The following LRRC17 variants were observed in gnomAD, a reference collection of about 807,000 sequenced individuals.
The protein encoded by LRRC17 is leucine rich repeat containing 17.
LRRC17 carries 33 observed loss-of-function variants against 41.5 expected under a neutral mutation model. The ratio of observed to expected loss-of-function variants is 0.80; its 90% CI spans 0.60 to 1.06. The LOEUF (loss-of-function observed/expected upper bound fraction) is 1.06. Among genes scored for constraint, LRRC17 ranks in the 50% least tolerant of loss-of-function variants. The probability of loss-of-function intolerance (pLI) is 0.00; values close to 1 mark genes in which losing one functional copy is unlikely to be tolerated. For synonymous variants in LRRC17, 192 were observed against 197.0 expected, an observed-to-expected ratio of 0.97 and a Z score of 0.21; for missense variants, 491 against 519.3, an observed-to-expected ratio of 0.95 and a Z score of 0.53.
At chr7:102,925,272 G>A (rs1276883679) in intron 1 of LRRC17, among the ~76,000 whole-genome samples, 1 of 152,072 alleles carries the variant, frequency 6.6e-6, no homozygotes, top group Non-Finnish European at 1.5e-5. Flanking sequence ...GCATGCTCCT[G>A]TAGTCCCAGC....
chr7:102,944,481 C>A lies in LRRC17; in HGVS notation c.1200C>A (p.Cys400Ter), dbSNP rs1364971213. 6.8e-6 allele frequency: 11 copies of A among 1,613,804 alleles called. No individual in the cohort carries two copies. The highest frequency in any genetic ancestry group is 1.3e-5 in the African/African-American group (1 of 74,848). The change falls in exon 4 of 4, where the codon TGC becomes TGA. Residue 400 changes from cysteine (C) to a stop codon, truncating the protein, a stop_gained. Coordinates refer to ENST00000339431, the MANE Select transcript of LRRC17 (RefSeq NM_001031692.3). LOFTEE classifies it high-confidence loss of function. ...ATATTAGAAGTTACTATGAAGAATG[C>A]CCCAAAGACAAGTTACCAGCATATC... is the stretch of plus-strand genomic sequence containing the variant. ...GKYIRSYYEE[C>*]PKDKLPAYPE...
At position 102,944,735 on chromosome 7, in the gene LRRC17, A is replaced by C. The variant is rs1339933254; in HGVS notation, c.*128A>C. On this transcript the variant is annotated 3_prime_UTR_variant, in exon 4 of 4. Coordinates refer to ENST00000339431, the MANE Select transcript of LRRC17 (RefSeq NM_001031692.3). ...AATCCAGCTAAAGGAAGCTTTCTTT[A>C]ATTATAAGTATTATTGTGACTATTA... is the stretch of plus-strand genomic sequence containing the variant. 3.8e-6 allele frequency: 3 copies of C among 794,034 alleles called. No individual in the cohort carries two copies. The Admixed American group carries it at 9.0e-5, about 24-fold the overall frequency. 49.2% of individuals were successfully genotyped at this position (794,034 alleles called of 1,614,324 possible).
intron 1 of LRRC17, among the ~76,000 whole-genome samples, chr7:102,920,758 A>G (rs1816811150): frequency 6.6e-6 from 1 of 152,198 alleles, no homozygotes; most frequent in Non-Finnish European, 1.5e-5. Flanking sequence ...TAAAAGATAA[A>G]CCTAAAATCC....
At chr7:102,926,448 A>G (rs1563102250) in intron 1 of LRRC17, 1 of 1,156,912 alleles carries the variant, frequency 8.6e-7, no homozygotes, top group South Asian at 1.4e-5. Context: ...TCTTTCTATT[A>G]TCCCTCTTCC....
At chr7:102,931,734 T>C in intron 1 of LRRC17, 1 of 645,484 alleles carries the variant, frequency 1.5e-6, no homozygotes, top group Non-Finnish European at 2.6e-6. Flanking sequence ...GCAGATGGAG[T>C]AAAATTTCTT....
chr7:102,926,616 T>C (rs1818191827), intron 1 of LRRC17, among the ~76,000 whole-genome samples: 1 of 152,200 alleles, frequency 6.6e-6, no homozygotes, highest in Admixed American at 6.5e-5. Context: ...TCCATCACAA[T>C]GACACTTCAT....
At chr7:102,942,189 C>T in intron 3 of LRRC17, 1 of 819,540 alleles carries the variant, frequency 1.2e-6, no homozygotes, top group Non-Finnish European at 2.0e-6. Flanking sequence ...ATGCCAAGCA[C>T]TTTCCTAGAA....
chr7:102,921,980 C>G (rs1817123972), intron 1 of LRRC17, among the ~76,000 whole-genome samples: 1 of 152,042 alleles, frequency 6.6e-6, no homozygotes, highest in African/African-American at 2.4e-5. Context: ...CACTTGAGGT[C>G]AAGAGTTTGA....
At chr7:102,925,091 C>A (rs1192487488) in intron 1 of LRRC17, among the ~76,000 whole-genome samples, 2 of 152,206 alleles carry the variant, frequency 1.3e-5, no homozygotes, top group Non-Finnish European at 2.9e-5. Context: ...TCCTAACTGG[C>A]CTTTCTGTAA....
At chr7:102,933,740 CTTAATTT>C (rs1441746499) in intron 1 of LRRC17, 27 bp from the exon 2 acceptor site, 1 of 604,062 alleles carries the variant, frequency 1.7e-6, no homozygotes, top group Non-Finnish European at 2.8e-6. Context: ...TGCAATGGGC[CTTAATTT>C]TTAATATATA....
intron 1 of LRRC17, among the ~76,000 whole-genome samples, chr7:102,914,576 A>G (rs1233544698): frequency 6.6e-6 from 1 of 152,254 alleles, no homozygotes; most frequent in Non-Finnish European, 1.5e-5. Flanking sequence ...GGGAAATAAG[A>G]TATACAAGCA....
rs1253178529 is a variant in LRRC17 at position 102,934,396 on chromosome 7, T to C, written c.483T>C (p.Tyr161=). The change falls in exon 2 of 4, where the codon TAT becomes TAC. Residue 161 remains tyrosine (Y), a synonymous_variant. Coordinates refer to ENST00000339431, the MANE Select transcript of LRRC17 (RefSeq NM_001031692.3). ...YTPLLSYLRL[Y]DNPWHCTCEI... is the part of the protein sequence containing the mutation. Reference sequence around the variant, plus strand: ...CTCTCTTGAGCTACCTGCGTCTTTATGACAACCCCTGGCACTGTACTTGTG... The same window carrying C: ...CTCTCTTGAGCTACCTGCGTCTTTACGACAACCCCTGGCACTGTACTTGTG... The C allele has an allele frequency of 1.2e-6, 2 of 1,614,212 alleles. No individual in the cohort carries two copies. The highest frequency in any genetic ancestry group is 1.7e-6 in the Non-Finnish European group (2 of 1,180,032).
intron 1 of LRRC17, chr7:102,932,081 C>A: frequency 1.5e-6 from 1 of 657,468 alleles, no homozygotes; most frequent in African/African-American, 1.8e-5. Flanking sequence ...GTTTCTTTCC[C>A]CAGAAAAATG....
chr7:102,939,578 C>A lies in LRRC17; in HGVS notation c.921C>A (p.Ile307=), dbSNP rs775367068. Residue 307 remains isoleucine, a synonymous_variant, in exon 3 of 4, where the codon ATC becomes ATA. Transcript: ENST00000339431. ...LNLSSNGIEF[I]DPAAFLGLTH... ...TCAGCAGCAATGGCATTGAATTCAT[C>A]GATCCTGGTAAGTTCCCCTGTATAG... 1.9e-6 allele frequency: 3 copies of A among 1,612,666 alleles called. No homozygotes were observed. The highest frequency in any genetic ancestry group is 1.1e-5 in the South Asian group (1 of 90,860).
intron 1 of LRRC17, among the ~76,000 whole-genome samples, chr7:102,924,139 G>A (rs2129471448): frequency 6.6e-6 from 1 of 151,758 alleles, no homozygotes; most frequent in East Asian, 2.0e-4. Context: ...TTGGGAGGCT[G>A]AGGCAGGAGA....
intron 1 of LRRC17, among the ~76,000 whole-genome samples, chr7:102,919,693 A>C (rs747508829): frequency 3.3e-5 from 5 of 152,242 alleles, no homozygotes; most frequent in Non-Finnish European, 7.3e-5. Flanking sequence ...AGGGTTTTAA[A>C]GATAAAATAC....
At chr7:102,914,117 A>G (rs1815329993) in intron 1 of LRRC17, among the ~76,000 whole-genome samples, 2 of 152,244 alleles carry the variant, frequency 1.3e-5, no homozygotes, top group East Asian at 1.9e-4. Context: ...CTGGAGTACA[A>G]TGGTGAGATC....
At chr7:102,933,410 T>A (rs1217861915) in intron 1 of LRRC17, 1 of 152,278 alleles carries the variant, frequency 6.6e-6, no homozygotes, top group Admixed American at 6.5e-5. Flanking sequence ...ACTGCAGGCT[T>A]CGGTTTTCAT....
Position 102,934,513 on chromosome 7 carries a change from T to TA in LRRC17, c.606dup (p.Leu203ThrfsTer7), listed in dbSNP as rs764907439. The TA allele has an allele frequency of 1.2e-6, 2 of 1,612,216 alleles. No individual in the cohort carries two copies. The highest frequency in any genetic ancestry group is 1.3e-5 in the African/African-American group (1 of 74,474). On this transcript the variant is annotated frameshift_variant, in exon 2 of 4. Transcript: ENST00000339431. LOFTEE classifies it high-confidence loss of function. ...GTGAAAGTCCACAAGAACAAAAAAA[T>TA]AAAAAACTGCGGCAGATAAAATCTG...
Sources: gnomAD v4.1 joint callset for allele counts (sites outside exome capture counted in the v4.1 genomes callset) on GRCh38, gnomAD v4.1.1 for gene constraint, MANE v1.5 for transcripts, NCBI Gene and HGNC (gene_info 2026-07-23, HGNC 2026-07-21) for gene names.